The following AGPAT4 variants were observed in gnomAD, a reference collection of about 807,000 sequenced individuals.
AGPAT4 encodes the protein 1-acylglycerol-3-phosphate O-acyltransferase 4, also known as 1-acyl-sn-glycerol-3-phosphate acyltransferase delta.
Under a neutral mutation model 48.0 loss-of-function variants are expected in AGPAT4, and 15 were observed. That is an observed-to-expected ratio of 0.31 (90% CI 0.21 to 0.48). The LOEUF is 0.48. Ranked by LOEUF, AGPAT4 falls within the 20% of genes least tolerant of loss-of-function variation. The probability of loss-of-function intolerance (pLI) is 0.99; values close to 1 mark genes in which losing one functional copy is unlikely to be tolerated. For missense variants in AGPAT4, 314 were observed against 482.5 expected (o/e 0.65, Z 3.27); for synonymous variants, 178 against 198.7 (o/e 0.90, Z 0.88).
chr6:161,211,045 G>C (rs1250186791), intron 2 of AGPAT4, among the ~76,000 whole-genome samples: 1 of 152,206 alleles, frequency 6.6e-6, no homozygotes, highest in African/African-American at 2.4e-5. Flanking sequence ...AGCAAGGACA[G>C]CTTGGAGGTA....
intron 1 of AGPAT4, among the ~76,000 whole-genome samples, chr6:161,256,617 G>A (rs975660967): frequency 6.6e-6 from 1 of 152,176 alleles, no homozygotes; most frequent in Non-Finnish European, 1.5e-5. Context: ...GAGCTGACAC[G>A]TCCTCCCTGA....
intron 2 of AGPAT4, among the ~76,000 whole-genome samples, chr6:161,194,321 C>T (rs11961712): frequency 0.18 from 27,262 of 152,000 alleles, 4,381 homozygotes; most frequent in African/African-American, 0.44. Flanking sequence ...TTTGGACGCA[C>T]GACACTAATC....
chr6:161,192,696 G>A (rs1448224406), intron 2 of AGPAT4, among the ~76,000 whole-genome samples: 1 of 151,992 alleles, frequency 6.6e-6, no homozygotes, highest in Non-Finnish European at 1.5e-5. Context: ...CTTTAGTGAG[G>A]ATATGATGGT....
Position 161,242,729 on chromosome 6 carries a change from T to A in AGPAT4, c.-89-10427A>T, listed in dbSNP as rs981364914. 9.2e-5 allele frequency among the ~76,000 whole-genome samples: 14 copies of A among 152,056 alleles called. No homozygotes were observed. Among genetic ancestry groups the A allele is most frequent in the African/African-American group, 3.1e-4 (13 of 41,394 alleles). On this transcript the variant is annotated intron_variant, in intron 1 of 8. Coordinates refer to ENST00000320285, the MANE Select transcript of AGPAT4 (RefSeq NM_020133.3). The surrounding 1 kb of genome is among the most constrained non-coding windows in gnomAD (Gnocchi z 5.0). ...TAAATCCAAACAGAAATGAAAAAAA[T>A]TAATCTTCCAAACAGGGGAAACGTC...
At chr6:161,181,503 C>CGGGGGGG (rs776492737) in intron 2 of AGPAT4, among the ~76,000 whole-genome samples, 24 of 126,044 alleles carry the variant, frequency 1.9e-4, no homozygotes, top group Admixed American at 3.9e-4. Flanking sequence ...GTGGGGGTAG[C>CGGGGGGG]AGGGGGCGGG....
intron 1 of AGPAT4, among the ~76,000 whole-genome samples, chr6:161,260,258 G>C (rs1418040197): frequency 4.6e-5 from 7 of 152,148 alleles, no homozygotes; most frequent in African/African-American, 9.7e-5. Context: ...AATGAACACT[G>C]ACCAGTCCCA....
chr6:161,159,342 C>T lies in AGPAT4; in HGVS notation c.349-5032G>A, dbSNP rs1382921412. Among the ~76,000 whole-genome samples, 7 of 152,234 alleles carry T rather than the reference C, an allele frequency of 4.6e-5. No individual in the cohort carries two copies. The highest frequency in any genetic ancestry group is 2.0e-4 in the Admixed American group (3 of 15,294). ...CCTATGCCAGGCATTATGCAGGTGC[C>T]GAGAACTCAATGCTGGTTATGATTA... On this transcript the variant is annotated intron_variant, in intron 3 of 8. Transcript: ENST00000320285. This position sits in a 1 kb window ranked among gnomAD's most constrained non-coding sequence, Gnocchi z 4.1.
At chr6:161,205,379 T>TA (rs1781353258) in intron 2 of AGPAT4, among the ~76,000 whole-genome samples, 1 of 152,110 alleles carries the variant, frequency 6.6e-6, no homozygotes, top group Non-Finnish European at 1.5e-5. Flanking sequence ...TGGGGGAGGT[T>TA]AGAGTGTTCC....
At position 161,236,193 on chromosome 6, in the gene AGPAT4, T is replaced by C. The variant is rs750646775; in HGVS notation, c.-89-3891A>G. On this transcript the variant is annotated intron_variant, in intron 1 of 8. Coordinates refer to ENST00000320285, the MANE Select transcript of AGPAT4 (RefSeq NM_020133.3). The surrounding 1 kb of genome is among the most constrained non-coding windows in gnomAD (Gnocchi z 5.0). The stretch of plus-strand genomic sequence containing the variant: ...TATGACAAAGAACTTATGCTGTTTC[T>C]GAGCATATCAGAGCGCTACTTACAG... Among the ~76,000 whole-genome samples, 2 of 152,110 alleles carry C rather than the reference T, an allele frequency of 1.3e-5. No individual in the cohort carries two copies. The highest frequency in any genetic ancestry group is 2.9e-5 in the Non-Finnish European group (2 of 68,036).
chr6:161,145,961 G>A (rs1779410748), intron 7 of AGPAT4, among the ~76,000 whole-genome samples: 1 of 151,642 alleles, frequency 6.6e-6, no homozygotes. Context: ...CCTTGCATAT[G>A]CCTTTGGAGG....
At position 161,220,060 on chromosome 6, in the gene AGPAT4, A is replaced by T. The variant is rs1254825787; in HGVS notation, c.178+11976T>A. 1.3e-5 allele frequency among the ~76,000 whole-genome samples: 2 copies of T among 152,168 alleles called. No homozygotes were observed. Among genetic ancestry groups the T allele is most frequent in the African/African-American group, 2.4e-5 (1 of 41,430 alleles). On this transcript the variant is annotated intron_variant, in intron 2 of 8. Coordinates refer to ENST00000320285, the MANE Select transcript of AGPAT4 (RefSeq NM_020133.3). The surrounding 1 kb of genome is among the most constrained non-coding windows in gnomAD (Gnocchi z 6.0). Reference sequence around the variant, plus strand: ...ACAGTTACATTATTCCTGTTAAAAAACTTAGAACTCCAGTGTCCTTGCTTA... The same window carrying T: ...ACAGTTACATTATTCCTGTTAAAAATCTTAGAACTCCAGTGTCCTTGCTTA...
intron 4 of AGPAT4, among the ~76,000 whole-genome samples, chr6:161,153,763 G>C (rs1160276123): frequency 7.0e-6 from 1 of 142,870 alleles, no homozygotes; most frequent in East Asian, 2.1e-4. Context: ...GATCACACAG[G>C]GCCCCATGGT....
chr6:161,163,103 G>A (rs1195092244), intron 3 of AGPAT4, among the ~76,000 whole-genome samples: 2 of 152,226 alleles, frequency 1.3e-5, no homozygotes, highest in African/African-American at 4.8e-5. Context: ...GTGGCCTCAT[G>A]GGATCTTGAG....
At position 161,236,158 on chromosome 6, in the gene AGPAT4, G is replaced by A. The variant is rs2115039526; in HGVS notation, c.-89-3856C>T. 6.6e-6 allele frequency among the ~76,000 whole-genome samples: 1 copy of A among 152,230 alleles called. No individual in the cohort carries two copies. Among genetic ancestry groups the A allele is most frequent in the African/African-American group, 2.4e-5 (1 of 41,538 alleles). The stretch of plus-strand genomic sequence containing the variant: ...AATCCACTTCAGTGGCTTATTACAT[G>A]AGGCAAGAATATGACAAAGAACTTA... On this transcript the variant is annotated intron_variant, in intron 1 of 8. Coordinates refer to ENST00000320285, the MANE Select transcript of AGPAT4 (RefSeq NM_020133.3). The surrounding 1 kb of genome is among the most constrained non-coding windows in gnomAD (Gnocchi z 5.0).
Position 161,251,712 on chromosome 6 carries a change from C to A in AGPAT4, c.-89-19410G>T, listed in dbSNP as rs1782809444. Among the ~76,000 whole-genome samples the A allele has an allele frequency of 6.6e-6, 1 of 152,202 alleles. No individual in the cohort carries two copies. The highest frequency in any genetic ancestry group is 1.5e-5 in the Non-Finnish European group (1 of 68,032). ...GGGAGCCAGGTGGATGCCAAGCCCA[C>A]TTCCCGGGCCTTACGTTTCCCATTC... On this transcript the variant is annotated intron_variant, in intron 1 of 8. Coordinates refer to ENST00000320285, the MANE Select transcript of AGPAT4 (RefSeq NM_020133.3). The surrounding 1 kb of genome is among the most constrained non-coding windows in gnomAD (Gnocchi z 4.6).
chr6:161,143,048 A>G lies in AGPAT4; in HGVS notation c.844-3428T>C, dbSNP rs1779304436. Among the ~76,000 whole-genome samples, 1 of 152,062 alleles carries G rather than the reference A, an allele frequency of 6.6e-6. No homozygotes were observed. The highest frequency in any genetic ancestry group is 6.5e-5 in the Admixed American group (1 of 15,274). ...AGCTGCTCCCGACCTTGGCCTCCACAGGACGGCTCTGAATGTAGCTGTCCT... is the reference window on the plus strand; with the variant it reads ...AGCTGCTCCCGACCTTGGCCTCCACGGGACGGCTCTGAATGTAGCTGTCCT... On this transcript the variant is annotated intron_variant, in intron 7 of 8. Coordinates refer to ENST00000320285, the MANE Select transcript of AGPAT4 (RefSeq NM_020133.3). This position sits in a 1 kb window ranked among gnomAD's most constrained non-coding sequence, Gnocchi z 4.7.
At chr6:161,192,429 G>C (rs574557411) in intron 2 of AGPAT4, among the ~76,000 whole-genome samples, 7 of 152,208 alleles carry the variant, frequency 4.6e-5, no homozygotes, top group Admixed American at 4.6e-4. Context: ...GGGATTACAG[G>C]GGTGAGCCAC....
In AGPAT4 at chr6:161,165,940, T is replaced by C. The variant is rs1412851282; in HGVS notation, c.348+308A>G. 4.0e-5 allele frequency: 24 copies of C among 602,338 alleles called. No individual in the cohort carries two copies. Among genetic ancestry groups the C allele is most frequent in the Non-Finnish European group, 6.8e-5 (23 of 339,662 alleles). 37.3% of individuals were successfully genotyped at this position (602,338 alleles called of 1,614,324 possible). A position where few individuals can be genotyped will look rare whatever the true frequency, so the allele number is the denominator to read the frequency against. On this transcript the variant is annotated intron_variant, in intron 3 of 8. Coordinates refer to ENST00000320285, the MANE Select transcript of AGPAT4 (RefSeq NM_020133.3). The surrounding 1 kb of genome is among the most constrained non-coding windows in gnomAD (Gnocchi z 5.5). ...ACTCTGAGCCGAATATTAAGCTCTA[T>C]ATAACTTAGTTTTTAAAAAATGGAG... is the stretch of plus-strand genomic sequence containing the variant.
At chr6:161,247,646 C>T (rs1021214949) in intron 1 of AGPAT4, among the ~76,000 whole-genome samples, 11 of 152,120 alleles carry the variant, frequency 7.2e-5, no homozygotes, top group African/African-American at 2.7e-4. Context: ...AAAACTGGCA[C>T]AAAACAAGGA....
Sources: gnomAD v4.1 joint callset for allele counts (sites outside exome capture counted in the v4.1 genomes callset) on GRCh38, gnomAD v4.1.1 for gene constraint, Gnocchi (gnomAD v3.1) non-coding constraint, MANE v1.5 for transcripts, NCBI Gene and HGNC (gene_info 2026-07-23, HGNC 2026-07-21) for gene names.